The following ARHGEF18 variants were observed in gnomAD, a reference collection of about 807,000 sequenced individuals.
The protein encoded by ARHGEF18 is Rho/Rac guanine nucleotide exchange factor 18.
A neutral mutation model predicts 155.7 loss-of-function variants in ARHGEF18; 93 were observed. The ratio of observed to expected loss-of-function variants is 0.60; its 90% CI spans 0.50 to 0.71. The LOEUF (loss-of-function observed/expected upper bound fraction) is 0.71, where lower values mean the gene tolerates loss of function less well. ARHGEF18 is among the 30% of genes least tolerant of loss of function. The probability of loss-of-function intolerance (pLI) is 0.00; values close to 1 mark genes in which losing one functional copy is unlikely to be tolerated. For missense variants in ARHGEF18, 1,593 were observed against 1,816.1 expected (o/e 0.88, Z 2.23); for synonymous variants, 742 against 753.1 (o/e 0.99, Z 0.24).
intron 27 of ARHGEF18, 149 bp downstream of exon 27, chr19:7,469,280 C>T: frequency 9.6e-7 from 1 of 1,042,862 alleles, no homozygotes; most frequent in Non-Finnish European, 1.3e-6. Context: ...GCTGAGGCCA[C>T]CCCACACAGG....
In ARHGEF18 at chr19:7,375,576, C is replaced by A. The variant is rs187272109; in HGVS notation, c.276-144C>A. The A allele has an allele frequency of 3.7e-4, 282 of 753,592 alleles. 1 individual carries two copies. The East Asian group carries it at 7.2e-3, about 19-fold the overall frequency. The allele number at this position is 753,592 out of a possible 1,614,324, so 46.7% of individuals were successfully genotyped here. On this transcript the variant is annotated intron_variant, in intron 3 of 28. Coordinates refer to ENST00000668164, the MANE Select transcript of ARHGEF18 (RefSeq NM_001367823.1). ...ACCCACTCCTCTCATATTGGGAGGTCTGGACCCCTTTCTGTGGCTTGCGCA... is the reference window on the plus strand; with the variant it reads ...ACCCACTCCTCTCATATTGGGAGGTATGGACCCCTTTCTGTGGCTTGCGCA...
In ARHGEF18 at chr19:7,469,078, G is replaced by A; in HGVS notation, c.3734G>A (p.Gly1245Asp). The change falls in exon 27 of 29, where the codon GGT becomes GAT. Residue 1245 changes from glycine (G) to aspartate (D), a missense_variant. Coordinates refer to ENST00000668164, the MANE Select transcript of ARHGEF18 (RefSeq NM_001367823.1). The stretch of plus-strand genomic sequence containing the variant: ...ACCAAGCTGGCGGCCTCCACCAAGG[G>A]TGGCAAGGACAAGGGCGGCAAGAGC... Reference protein sequence around the residue: ...IPTKLAASTKGGKDKGGKSRG... With the variant: ...IPTKLAASTKDGKDKGGKSRG... The A allele has an allele frequency of 6.2e-7, 1 of 1,609,488 alleles. No individual in the cohort carries two copies. Among genetic ancestry groups the A allele is most frequent in the African/African-American group, 1.3e-5 (1 of 75,004 alleles).
chr19:7,453,940 G>A (rs111483155), intron 17 of ARHGEF18, among the ~76,000 whole-genome samples: 4,361 of 152,210 alleles, frequency 0.029, 200 homozygotes, highest in African/African-American at 0.095. Flanking sequence ...TTTTTTATTG[G>A]TGGGTGCCAT....
intron 10 of ARHGEF18, among the ~76,000 whole-genome samples, chr19:7,430,286 C>T (rs1204880918): frequency 6.6e-6 from 1 of 152,086 alleles, no homozygotes; most frequent in Admixed American, 6.6e-5. Context: ...ACTGCAGCCT[C>T]AAGGTCCCAG....
At chr19:7,351,028 T>A (rs972833954) in intron 1 of ARHGEF18, among the ~76,000 whole-genome samples, 1 of 152,146 alleles carries the variant, frequency 6.6e-6, no homozygotes, top group Non-Finnish European at 1.5e-5. Context: ...GGTCTTGAAC[T>A]CCTGACCTCA....
chr19:7,470,035 C>G lies in ARHGEF18; in HGVS notation c.3913+6C>G, dbSNP rs1347991566. ...CAGTCCTGCGCCCCCACCAGGTGAG[C>G]CCCCACCCCCTGACATGAGCCCAGT... is the stretch of plus-strand genomic sequence containing the variant. On this transcript the variant is annotated splice_donor_region_variant and intron_variant, in intron 28 of 28. Coordinates refer to ENST00000668164, the MANE Select transcript of ARHGEF18 (RefSeq NM_001367823.1). The surrounding 1 kb of genome is among the most constrained non-coding windows in gnomAD (Gnocchi z 5.9). 4 of 1,612,406 alleles carry G rather than the reference C, an allele frequency of 2.5e-6. No homozygotes were observed. Among genetic ancestry groups the G allele is most frequent in the Middle Eastern group, 1.7e-4 (1 of 6,058 alleles).
chr19:7,473,183 C>T, downstream of ARHGEF18: 2 of 456,230 alleles, frequency 4.4e-6, no homozygotes, highest in Non-Finnish European at 8.8e-6. Context: ...TGGTCTGAGT[C>T]CCGGTCCAGT....
At chr19:7,451,662 A>T (rs577947160) in intron 16 of ARHGEF18, among the ~76,000 whole-genome samples, 56 of 151,650 alleles carry the variant, frequency 3.7e-4, no homozygotes, top group South Asian at 1.5e-3. Flanking sequence ...TGATCCTCCC[A>T]CCTCGGTCTC....
At chr19:7,390,824 G>C (rs1007913860) in intron 10 of ARHGEF18, 9 of 151,870 alleles carry the variant, frequency 5.9e-5, no homozygotes, top group African/African-American at 2.2e-4. Flanking sequence ...GGAAGATCAC[G>C]AGGTCAAGAG....
intron 2 of ARHGEF18, among the ~76,000 whole-genome samples, chr19:7,367,247 C>T (rs1969925637): frequency 6.6e-6 from 1 of 152,174 alleles, no homozygotes; most frequent in Non-Finnish European, 1.5e-5. Flanking sequence ...GCTAAGCTAA[C>T]AACAGTTACC....
intron 10 of ARHGEF18, among the ~76,000 whole-genome samples, chr19:7,399,259 G>A (rs1014389159): frequency 2.1e-4 from 32 of 152,146 alleles, no homozygotes; most frequent in South Asian, 2.1e-4. Context: ...GTGGCTGACT[G>A]GGTGAGGGAG....
chr19:7,398,679 A>T (rs1044004707), intron 10 of ARHGEF18, among the ~76,000 whole-genome samples: 4 of 150,124 alleles, frequency 2.7e-5, no homozygotes, highest in African/African-American at 9.9e-5. Flanking sequence ...CAACAGAGCT[A>T]GACTCTGTCT....
chr19:7,412,304 C>T (rs1193103645), intron 10 of ARHGEF18, among the ~76,000 whole-genome samples: 1 of 128,124 alleles, frequency 7.8e-6, no homozygotes, highest in Non-Finnish European at 1.7e-5. Context: ...CGTGAGCCAC[C>T]GCGCCCGGCC....
At chr19:7,384,454 C>T (rs965969356) in intron 10 of ARHGEF18, among the ~76,000 whole-genome samples, 3 of 152,214 alleles carry the variant, frequency 2.0e-5, no homozygotes, top group Admixed American at 1.3e-4. Context: ...CTCTGAGCAA[C>T]GTGCCTTGCA....
rs999889638 is a variant in ARHGEF18 at position 7,456,399 on chromosome 19, C to A, written c.2177C>A (p.Ser726Tyr). The change falls in exon 18 of 29, where the codon TCT (serine) becomes TAT (tyrosine). Residue 726 changes from serine (S) to tyrosine (Y), a missense_variant. Physicochemically the swap from Ser to Tyr is moderately radical, Grantham distance 144 (BLOSUM62 -2). Transcript: ENST00000668164. ...QEKDQKYVFA[S>Y]VDSKPPVISL... Reference sequence around the variant, plus strand: ...AAAGATCAGAAATACGTCTTTGCTTCTGTGGTATGTATCCTGTCTCTTCAG... The same window carrying A: ...AAAGATCAGAAATACGTCTTTGCTTATGTGGTATGTATCCTGTCTCTTCAG... 2.7e-5 allele frequency: 43 copies of A among 1,613,922 alleles called. No homozygotes were observed. Among genetic ancestry groups the A allele is most frequent in the East Asian group, 1.8e-4 (8 of 44,880 alleles).
rs565507146 is a variant in ARHGEF18 at position 7,404,317 on chromosome 19, T to C, written c.967+21114T>C. Among the ~76,000 whole-genome samples the C allele has an allele frequency of 3.9e-5, 6 of 152,208 alleles. No individual in the cohort carries two copies. The South Asian group carries it at 1.2e-3, about 32-fold the overall frequency. On this transcript the variant is annotated intron_variant, in intron 10 of 28. Coordinates refer to ENST00000668164, the MANE Select transcript of ARHGEF18 (RefSeq NM_001367823.1). ...GGAGCCAGTTAGATGCTCGAGGGGC[T>C]TCTCGGGCTGCGTTCTCTGTTGTCC...
Position 7,470,280 on chromosome 19 carries a change from A to C in ARHGEF18, c.4068A>C (p.Glu1356Asp), listed in dbSNP as rs1276127172. The part of the protein sequence containing the change: ...PLSAKEDASK[E>D]DVIFF ...GCGCCAAGGAGGACGCCAGCAAAGA[A>C]GACGTCATCTTCTTCTAAAAGGGCC... Residue 1356 changes from glutamate to aspartate, a missense_variant, in exon 29 of 29, where the codon GAA becomes GAC. Glu to Asp is a conservative substitution (Grantham distance 45). Coordinates refer to ENST00000668164, the MANE Select transcript of ARHGEF18 (RefSeq NM_001367823.1). This position sits in a 1 kb window ranked among gnomAD's most constrained non-coding sequence, Gnocchi z 5.9. 12 of 1,544,744 alleles carry C rather than the reference A, an allele frequency of 7.8e-6. No individual in the cohort carries two copies. Among genetic ancestry groups the C allele is most frequent in the East Asian group, 2.4e-5 (1 of 40,910 alleles).
In ARHGEF18 at chr19:7,439,848, C is replaced by T. The variant is rs1174446015; in HGVS notation, c.968-496C>T. ...ACTCAAACAGCTCACTTGCTTTTTA[C>T]ACCCTGCAAAGACCAAGGGAGAGCC... On this transcript the variant is annotated intron_variant, in intron 10 of 28. Coordinates refer to ENST00000668164, the MANE Select transcript of ARHGEF18 (RefSeq NM_001367823.1). The T allele has an allele frequency of 4.9e-6, 7 of 1,443,052 alleles. No homozygotes were observed. In the East Asian group the frequency reaches 1.5e-4, roughly 31 times the overall value. The allele number at this position is 1,443,052 out of a possible 1,614,324, so 89.4% of individuals were successfully genotyped here.
At chr19:7,428,595 G>A (rs1973784822) in intron 10 of ARHGEF18, among the ~76,000 whole-genome samples, 1 of 152,050 alleles carries the variant, frequency 6.6e-6, no homozygotes, top group South Asian at 2.1e-4. Flanking sequence ...TGTCTTTAAT[G>A]GTTCAGAAGG....
Sources: gnomAD v4.1 joint callset for allele counts (sites outside exome capture counted in the v4.1 genomes callset) on GRCh38, gnomAD v4.1.1 for gene constraint, Gnocchi (gnomAD v3.1) non-coding constraint, MANE v1.5 for transcripts, NCBI Gene and HGNC (gene_info 2026-07-23, HGNC 2026-07-21) for gene names.